Variants in ZPLD1 observed in about 807,000 individuals in gnomAD.
ZPLD1 encodes the protein zona pellucida-like domain-containing protein 1.
A neutral mutation model predicts 47.2 loss-of-function variants in ZPLD1; 34 were observed. That is an observed-to-expected ratio of 0.72 (90% CI 0.55 to 0.96). The LOEUF (loss-of-function observed/expected upper bound fraction) is 0.96, where lower values mean the gene tolerates loss of function less well. Ranked by LOEUF, ZPLD1 falls within the 40% of genes least tolerant of loss-of-function variation. The pLI is 0.00. For synonymous variants in ZPLD1, 176 were observed against 186.2 expected (o/e 0.95, Z 0.45); for missense variants, 512 against 505.8 (o/e 1.01, Z -0.12).
At chr3:102,464,567 A>G (rs1248803027) in intron 8 of ZPLD1, among the ~76,000 whole-genome samples, 1 of 152,242 alleles carries the variant, frequency 6.6e-6, no homozygotes, top group Non-Finnish European at 1.5e-5. Flanking sequence ...TATTATTCGC[A>G]GGAAAAGAAA....
chr3:102,466,818 A>C (rs1707600486), intron 8 of ZPLD1, among the ~76,000 whole-genome samples: 2 of 152,122 alleles, frequency 1.3e-5, no homozygotes, highest in South Asian at 4.1e-4. Flanking sequence ...GAAAGATAGA[A>C]ATAAAAAGGT....
At chr3:102,404,570 T>G (rs1706659871) in intron 7 of ZPLD1, among the ~76,000 whole-genome samples, 1 of 152,026 alleles carries the variant, frequency 6.6e-6, no homozygotes, top group Non-Finnish European at 1.5e-5. Context: ...TTTGCTTTTG[T>G]GCTCCAGGTG....
Position 102,404,003 on chromosome 3 carries a change from A to T in ZPLD1, c.-157+11778A>T, listed in dbSNP as rs549208045. On this transcript the variant is annotated intron_variant, in intron 7 of 17. Transcript: ENST00000491959. ...AAAAATGAAGTCAGAATTCTTCACT[A>T]GTTGCCCAGATGGTATTACTTATTC... Among the ~76,000 whole-genome samples, 20 of 152,102 alleles carry T rather than the reference A, an allele frequency of 1.3e-4. 1 individual carries two copies. The East Asian group carries it at 3.7e-3, about 28-fold the overall frequency.
At chr3:102,471,942 C>G (rs558697900) in intron 10 of ZPLD1, among the ~76,000 whole-genome samples, 1 of 152,184 alleles carries the variant, frequency 6.6e-6, no homozygotes, top group East Asian at 1.9e-4. Flanking sequence ...TTTATATTAG[C>G]CTTAATGCTG....
intron 7 of ZPLD1, among the ~76,000 whole-genome samples, chr3:102,406,992 C>T (rs1706695254): frequency 6.6e-6 from 1 of 151,712 alleles, no homozygotes; most frequent in Non-Finnish European, 1.5e-5. Context: ...ATTACATATC[C>T]AAGTGGATGA....
intron 10 of ZPLD1, among the ~76,000 whole-genome samples, chr3:102,471,201 G>A (rs1707680355): frequency 6.6e-6 from 1 of 152,112 alleles, no homozygotes; most frequent in Admixed American, 6.5e-5. Flanking sequence ...TTCTGGTTGG[G>A]CTTGACCAAT....
intron 7 of ZPLD1, among the ~76,000 whole-genome samples, chr3:102,411,117 G>A (rs1265056122): frequency 1.3e-5 from 2 of 151,626 alleles, no homozygotes; most frequent in East Asian, 3.9e-4. Flanking sequence ...GAAATACATT[G>A]GGTTTTAAAT....
chr3:102,416,881 C>A (rs1706814881), intron 7 of ZPLD1, among the ~76,000 whole-genome samples: 2 of 151,872 alleles, frequency 1.3e-5, no homozygotes, highest in Non-Finnish European at 1.5e-5. Context: ...GTAGAAAGTA[C>A]CAAGCTCTCA....
chr3:102,463,013 T>C (rs551309798), intron 7 of ZPLD1, among the ~76,000 whole-genome samples: 1 of 152,336 alleles, frequency 6.6e-6, no homozygotes, highest in South Asian at 2.1e-4. Flanking sequence ...TCTATAAATT[T>C]AGTTCTTCTT....
intron 3 of ZPLD1, among the ~76,000 whole-genome samples, chr3:102,449,327 G>A (rs770017283): frequency 8.5e-5 from 13 of 152,324 alleles, no homozygotes; most frequent in Non-Finnish European, 1.6e-4. Context: ...TTCTGTCAAT[G>A]TGGGTCACGC....
At chr3:102,445,042 A>C (rs1396154959) in intron 3 of ZPLD1, among the ~76,000 whole-genome samples, 1 of 152,168 alleles carries the variant, frequency 6.6e-6, no homozygotes, top group Non-Finnish European at 1.5e-5. Context: ...ACAGTGCTAC[A>C]GGCACCACCA....
At chr3:102,466,012 T>C (rs1204227193) in intron 8 of ZPLD1, among the ~76,000 whole-genome samples, 1 of 152,078 alleles carries the variant, frequency 6.6e-6, no homozygotes, top group Non-Finnish European at 1.5e-5. Context: ...GGCTGGGGAA[T>C]CTGAAGAAAA....
intron 6 of ZPLD1, among the ~76,000 whole-genome samples, chr3:102,387,095 T>C (rs1430107646): frequency 2.0e-5 from 3 of 152,208 alleles, no homozygotes; most frequent in East Asian, 1.9e-4. Flanking sequence ...TGGTTACTTC[T>C]GATTTTAATT....
intron 6 of ZPLD1, among the ~76,000 whole-genome samples, chr3:102,458,668 T>C (rs1185750402): frequency 6.6e-6 from 1 of 152,182 alleles, no homozygotes; most frequent in Non-Finnish European, 1.5e-5. Flanking sequence ...AGTAGGACAT[T>C]TTCCAAAGGC....
At chr3:102,417,634 G>A (rs572737042) in intron 7 of ZPLD1, among the ~76,000 whole-genome samples, 4 of 151,930 alleles carry the variant, frequency 2.6e-5, no homozygotes, top group Non-Finnish European at 4.4e-5. Flanking sequence ...AAGTTTTCAC[G>A]GTGATATTCC....
chr3:102,401,711 C>T (rs1285179167), intron 7 of ZPLD1, among the ~76,000 whole-genome samples: 1 of 152,064 alleles, frequency 6.6e-6, no homozygotes. Context: ...TGACTTGCTA[C>T]TCTTTGTTAC....
intron 8 of ZPLD1, among the ~76,000 whole-genome samples, chr3:102,418,925 C>T (rs923616014): frequency 9.9e-5 from 15 of 151,958 alleles, no homozygotes; most frequent in African/African-American, 3.6e-4. Context: ...TCTAAGTTTC[C>T]TTCCATTCTA....
rs530258393 is a variant in ZPLD1 at position 102,444,631 on chromosome 3, A to G, written c.106+6038A>G. 3.9e-5 allele frequency among the ~76,000 whole-genome samples: 6 copies of G among 152,332 alleles called. No homozygotes were observed. In the East Asian group the frequency reaches 1.2e-3, roughly 29 times the overall value. On this transcript the variant is annotated intron_variant, in intron 3 of 11. Coordinates refer to ENST00000466937, the MANE Select transcript of ZPLD1 (RefSeq NM_001329788.2). ...TTAGAGATAAAAGCAGAACTGATAT[A>G]TAAATTATTATTATGGTTTAAAAAG...
chr3:102,470,116 AAGTTTGATAAACAC>A (rs1026423904), intron 9 of ZPLD1, among the ~76,000 whole-genome samples: 2 of 152,184 alleles, frequency 1.3e-5, no homozygotes, highest in Admixed American at 1.3e-4. Flanking sequence ...AAAAGTAGAA[AAGTTTGATAAACAC>A]AGCACTTTTT....
Sources: allele counts gnomAD v4.1 joint callset (sites outside exome capture counted in the v4.1 genomes callset), GRCh38; gene constraint gnomAD v4.1.1; transcripts MANE v1.5; gene names NCBI Gene and HGNC (gene_info 2026-07-23, HGNC 2026-07-21).